Variants in GRIA2 observed in about 807,000 individuals in gnomAD.
GRIA2 encodes glutamate receptor 2.
Under a neutral mutation model 97.3 loss-of-function variants are expected in GRIA2, and 14 were observed. The ratio of observed to expected loss-of-function variants is 0.14; its 90% CI spans 0.10 to 0.23. The LOEUF (loss-of-function observed/expected upper bound fraction) is 0.23. GRIA2 is among the 10% of genes least tolerant of loss of function. The pLI is 1.00. For missense variants in GRIA2, 558 were observed against 1,069.8 expected (o/e 0.52, Z 6.67); for synonymous variants, 412 against 387.8 (o/e 1.06, Z -0.73).
Position 157,224,578 on chromosome 4 carries a change from T to C in GRIA2, c.229+2771T>C, listed in dbSNP as rs180884348. Among the ~76,000 whole-genome samples the C allele has an allele frequency of 2.0e-5, 3 of 152,264 alleles. No homozygotes were observed. In the East Asian group the frequency reaches 5.8e-4, roughly 29 times the overall value. ...CTATGGACAATAGAAGATGTAAAAT[T>C]AGTTTAACTCTTTTGAGACAGAATG... On this transcript the variant is annotated intron_variant, in intron 2 of 15. Coordinates refer to ENST00000264426, the MANE Select transcript of GRIA2 (RefSeq NM_001083619.3).
At chr4:157,235,760 CA>C (rs1424875978) in intron 2 of GRIA2, among the ~76,000 whole-genome samples, 1 of 151,932 alleles carries the variant, frequency 6.6e-6, no homozygotes, top group Non-Finnish European at 1.5e-5. Flanking sequence ...TTCATTGCCA[CA>C]ATCTCTTCAA....
chr4:157,343,771 A>C (rs1323786864), intron 12 of GRIA2, among the ~76,000 whole-genome samples: 1 of 152,146 alleles, frequency 6.6e-6, no homozygotes, highest in Non-Finnish European at 1.5e-5. Flanking sequence ...TGTATATGTT[A>C]ATTATTTCAT....
At chr4:157,345,059 C>A (rs1164776287) in intron 12 of GRIA2, among the ~76,000 whole-genome samples, 1 of 151,422 alleles carries the variant, frequency 6.6e-6, no homozygotes, top group African/African-American at 2.4e-5. Flanking sequence ...TTTTTCTTTC[C>A]GTTAAAGTCT....
At chr4:157,260,194 G>A (rs1731465188) in intron 2 of GRIA2, among the ~76,000 whole-genome samples, 1 of 152,010 alleles carries the variant, frequency 6.6e-6, no homozygotes, top group Non-Finnish European at 1.5e-5. Flanking sequence ...ACTTGTCCAG[G>A]ACTTTACTTC....
intron 2 of GRIA2, among the ~76,000 whole-genome samples, chr4:157,222,529 T>C (rs1028560657): frequency 1.3e-5 from 2 of 152,076 alleles, no homozygotes; most frequent in African/African-American, 4.8e-5. Flanking sequence ...TCCTGCTCAG[T>C]TGCGCTTCCG....
intron 6 of GRIA2, among the ~76,000 whole-genome samples, chr4:157,327,617 GT>G (rs1256023833): frequency 6.6e-6 from 1 of 151,986 alleles, no homozygotes; most frequent in Non-Finnish European, 1.5e-5. Flanking sequence ...ATCGTGTAAG[GT>G]ATGACTAGCC....
chr4:157,338,049 T>TATATATATAC (rs1491096751), intron 11 of GRIA2, among the ~76,000 whole-genome samples: 2 of 9,720 alleles, frequency 2.1e-4, no homozygotes, highest in African/African-American at 2.8e-4. Context: ...TATATATATA[T>TATATATATAC]ACACACACAT....
intron 2 of GRIA2, among the ~76,000 whole-genome samples, chr4:157,282,179 C>T (rs1437501500): frequency 1.3e-5 from 2 of 152,024 alleles, no homozygotes; most frequent in South Asian, 2.1e-4. Flanking sequence ...ATTTTTTATC[C>T]TCTGTCCATT....
rs149086176 is a variant in GRIA2, at chr4:157,221,123, A to G, written c.81A>G (p.Ile27Met). 6.7e-7 allele frequency: 1 copy of G among 1,489,210 alleles called. No individual in the cohort carries two copies. The highest frequency in any genetic ancestry group is 9.4e-7 in the Non-Finnish European group (1 of 1,066,012). The allele number at this position is 1,489,210 out of a possible 1,614,324, so 92.2% of individuals were successfully genotyped here. ...TTTTTGGTGTCTCTTCTAACAGCAT[A>G]CAGATAGGTAGGTACCCTTTGTGCT... ...GLIFGVSSNSIQIGGLFPRGA... is the reference protein window; with the variant it reads ...GLIFGVSSNSMQIGGLFPRGA... Residue 27 changes from isoleucine (I) to methionine (M), a missense_variant, in exon 1 of 16, where the codon ATA (isoleucine) becomes ATG (methionine). Physicochemically the swap from Ile to Met is conservative, Grantham distance 10. Around this residue, in one of 8 missense-constraint regions of GRIA2, gnomAD observed 96 missense variants for 176.6 expected, o/e 0.54. Transcript: ENST00000264426.
At chr4:157,238,742 G>T (rs1730360460) in intron 2 of GRIA2, among the ~76,000 whole-genome samples, 1 of 152,076 alleles carries the variant, frequency 6.6e-6, no homozygotes, top group Non-Finnish European at 1.5e-5. Context: ...TAAAGGCCAT[G>T]AAGCGTTTAG....
intron 2 of GRIA2, among the ~76,000 whole-genome samples, chr4:157,291,906 T>G (rs1404028627): frequency 6.6e-6 from 1 of 151,776 alleles, no homozygotes; most frequent in Non-Finnish European, 1.5e-5. Flanking sequence ...ACTATCAATA[T>G]CTAAAATAGA....
chr4:157,330,711 T>C (rs1004246214), intron 6 of GRIA2, among the ~76,000 whole-genome samples: 5 of 151,952 alleles, frequency 3.3e-5, no homozygotes, highest in Non-Finnish European at 7.4e-5. Context: ...TAAAGCAAAG[T>C]AAAAAGCACA....
intron 2 of GRIA2, among the ~76,000 whole-genome samples, chr4:157,289,229 T>G (rs1399733830): frequency 1.3e-5 from 2 of 151,912 alleles, no homozygotes; most frequent in Non-Finnish European, 2.9e-5. Context: ...CCCTTAAAAT[T>G]TTCCAGAATA....
chr4:157,228,790 CA>C (rs5863257), intron 2 of GRIA2, among the ~76,000 whole-genome samples: 2 of 39,762 alleles, frequency 5.0e-5, no homozygotes, highest in Non-Finnish European at 7.8e-5. Context: ...GATTCCATCT[CA>C]AAAAAAAAAA....
At position 157,362,866 on chromosome 4, in the gene GRIA2, G is replaced by T; in HGVS notation, c.2474G>T (p.Gly825Val). 1 of 1,613,536 alleles carries T rather than the reference G, an allele frequency of 6.2e-7. No homozygotes were observed. ...TTCTACATCCTTGTCGGGGGCCTTGGTTTGGCAATGCTGGTGGCTTTGATT... is the reference window on the plus strand; with the variant it reads ...TTCTACATCCTTGTCGGGGGCCTTGTTTTGGCAATGCTGGTGGCTTTGATT... ...GVFYILVGGL[G>V]LAMLVALIEF... is the part of the protein sequence containing the mutation. Residue 825 changes from glycine (G) to valine (V), a missense_variant, in exon 15 of 16, where the codon GGT becomes GTT. Physicochemically the swap from Gly to Val is moderately radical, Grantham distance 109. Coordinates refer to ENST00000264426, the MANE Select transcript of GRIA2 (RefSeq NM_001083619.3).
At chr4:157,278,362 T>G (rs550773517) in intron 2 of GRIA2, among the ~76,000 whole-genome samples, 1 of 151,812 alleles carries the variant, frequency 6.6e-6, no homozygotes, top group African/African-American at 2.4e-5. Context: ...ACAAAGACAA[T>G]ACAATGGGCA....
intron 5 of GRIA2, among the ~76,000 whole-genome samples, chr4:157,317,985 T>TA (rs1734399859): frequency 6.6e-6 from 1 of 152,028 alleles, no homozygotes; most frequent in South Asian, 2.1e-4. Flanking sequence ...CAGAAAATAA[T>TA]AATAATAAAT....
intron 12 of GRIA2, among the ~76,000 whole-genome samples, chr4:157,351,846 T>A (rs1281539507): frequency 6.6e-6 from 1 of 152,194 alleles, no homozygotes; most frequent in African/African-American, 2.4e-5. Flanking sequence ...CCCTTTTGAC[T>A]TTCACCACAA....
intron 2 of GRIA2, among the ~76,000 whole-genome samples, chr4:157,266,856 C>G (rs1731793886): frequency 6.6e-6 from 1 of 151,792 alleles, no homozygotes; most frequent in Non-Finnish European, 1.5e-5. Flanking sequence ...GCCAGGAGTT[C>G]GAGATGAGTC....
Sources: allele counts gnomAD v4.1 joint callset (sites outside exome capture counted in the v4.1 genomes callset), GRCh38; gene constraint gnomAD v4.1.1; regional missense constraint gnomAD v4.1.1; transcripts MANE v1.5; gene names NCBI Gene and HGNC (gene_info 2026-07-23, HGNC 2026-07-21).